Variants in KAZN observed in about 807,000 individuals in gnomAD.
KAZN encodes kazrin.
A neutral mutation model predicts 87.4 loss-of-function variants in KAZN; 40 were observed. That is an observed-to-expected ratio of 0.46 (90% CI 0.36 to 0.60). The LOEUF is 0.60. Ranked by LOEUF, KAZN falls within the 20% of genes least tolerant of loss-of-function variation. The pLI is 0.00. For missense variants in KAZN, 898 were observed against 1,073.9 expected, an observed-to-expected ratio of 0.84 and a Z score of 2.29; for synonymous variants, 466 against 458.3, an observed-to-expected ratio of 1.02 and a Z score of -0.22.
At chr1:14,047,590 C>T (rs554590385) in intron 1 of KAZN, among the ~76,000 whole-genome samples, 25 of 152,242 alleles carry the variant, frequency 1.6e-4, no homozygotes, top group East Asian at 9.7e-4. Flanking sequence ...AAGTTTAGTC[C>T]GGGCATGGCG....
chr1:14,024,642 T>C (rs1467382045), intron 1 of KAZN, among the ~76,000 whole-genome samples: 1 of 152,198 alleles, frequency 6.6e-6, no homozygotes, highest in African/African-American at 2.4e-5. Flanking sequence ...TGGAGGGCTA[T>C]TCTGGAGCAG....
intron 1 of KAZN, among the ~76,000 whole-genome samples, chr1:14,665,933 A>AAAG (rs138040722): frequency 6.1e-5 from 1 of 16,280 alleles, no homozygotes; most frequent in Non-Finnish European, 1.1e-4. Context: ...AGCTTTGCTC[A>AAAG]AAAAAAAAAA....
At position 14,020,724 on chromosome 1, in the gene KAZN, A is replaced by G. The variant is rs569989070; in HGVS notation, c.91+126968A>G. On this transcript the variant is annotated intron_variant, in intron 1 of 16. Transcript: ENST00000636203. Reference sequence around the variant, plus strand: ...TAGTTTTAACTAATTGAGTCAGCAGAACAATTTGAAATCTGAGTTCCAGCA... The same window carrying G: ...TAGTTTTAACTAATTGAGTCAGCAGGACAATTTGAAATCTGAGTTCCAGCA... Among the ~76,000 whole-genome samples, 153 of 152,358 alleles carry G rather than the reference A, an allele frequency of 1.0e-3. 1 individual carries two copies. The highest frequency in any genetic ancestry group is 3.6e-3 in the African/African-American group (150 of 41,582).
At chr1:14,238,018 AT>A (rs933667901) in intron 2 of KAZN, among the ~76,000 whole-genome samples, 1 of 152,116 alleles carries the variant, frequency 6.6e-6, no homozygotes, top group African/African-American at 2.4e-5. Context: ...GTAGCCTCCA[AT>A]TTTTTTCAAT....
At chr1:13,964,975 G>C (rs1428670952) in intron 1 of KAZN, among the ~76,000 whole-genome samples, 1 of 151,402 alleles carries the variant, frequency 6.6e-6, no homozygotes, top group East Asian at 1.9e-4. Context: ...GAGGGTGCCA[G>C]GTGGAGGGCA....
At chr1:15,110,071 GTGTGTA>G (rs1445001530) in intron 13 of KAZN, among the ~76,000 whole-genome samples, 10 of 149,996 alleles carry the variant, frequency 6.7e-5, no homozygotes, top group South Asian at 2.1e-4. Flanking sequence ...GTGTGCCTGT[GTGTGTA>G]TGTGTGTATA....
intron 1 of KAZN, among the ~76,000 whole-genome samples, chr1:14,801,480 G>A (rs1646019536): frequency 6.6e-6 from 1 of 152,000 alleles, no homozygotes; most frequent in Non-Finnish European, 1.5e-5. Context: ...TCCTAGGACT[G>A]AGAGGGTGAT....
chr1:14,147,023 T>A (rs1476566210), intron 1 of KAZN, among the ~76,000 whole-genome samples: 1 of 152,196 alleles, frequency 6.6e-6, no homozygotes, highest in African/African-American at 2.4e-5. Context: ...ACCTTTATGA[T>A]GACCCATTTC....
chr1:14,329,025 C>A (rs1197474137), intron 2 of KAZN, among the ~76,000 whole-genome samples: 5 of 152,142 alleles, frequency 3.3e-5, no homozygotes, highest in Admixed American at 3.3e-4. Context: ...TAACCAAAGA[C>A]AAATTTTAAT....
At chr1:14,615,783 C>T (rs1678191312) in intron 1 of KAZN, among the ~76,000 whole-genome samples, 1 of 152,224 alleles carries the variant, frequency 6.6e-6, no homozygotes, top group Non-Finnish European at 1.5e-5. Context: ...GGAACTGAGA[C>T]ACTGGTTCAG....
chr1:14,351,560 A>G lies in KAZN; in HGVS notation c.249+170968A>G, dbSNP rs182918653. Among the ~76,000 whole-genome samples, 1,202 of 152,294 alleles carry G rather than the reference A, an allele frequency of 7.9e-3. 11 individuals are homozygous for G. Among genetic ancestry groups the G allele is most frequent in the Non-Finnish European group, 0.011 (777 of 68,018 alleles). ...GCGACAGAGCTAGACTCCAGTCTCA[A>G]AAACAAACAAACAAACAAACAAAAC... is the stretch of plus-strand genomic sequence containing the variant. On this transcript the variant is annotated intron_variant, in intron 2 of 16. Transcript: ENST00000636203.
chr1:15,110,499 G>A (rs61784327), intron 13 of KAZN, among the ~76,000 whole-genome samples: 128,744 of 149,346 alleles, frequency 0.86, 55,438 homozygotes, highest in East Asian at 0.98. Context: ...GTATGTATGT[G>A]TGTGTATTTG....
At chr1:14,002,231 C>A (rs1161157690) in intron 1 of KAZN, among the ~76,000 whole-genome samples, 1 of 152,134 alleles carries the variant, frequency 6.6e-6, no homozygotes, top group South Asian at 2.1e-4. Context: ...ATTTATGTGG[C>A]CAACAAACAT....
chr1:14,240,987 C>T (rs1648886680), intron 2 of KAZN, among the ~76,000 whole-genome samples: 1 of 152,220 alleles, frequency 6.6e-6, no homozygotes, highest in Admixed American at 6.5e-5. Context: ...TTCTTCAAGT[C>T]TTCATTGTCT....
At chr1:14,744,115 A>C (rs1644194817) in intron 1 of KAZN, among the ~76,000 whole-genome samples, 1 of 152,222 alleles carries the variant, frequency 6.6e-6, no homozygotes, top group Non-Finnish European at 1.5e-5. Context: ...TATCATGGCC[A>C]TCACCAGTGC....
chr1:14,192,212 A>C (rs1019808588), intron 2 of KAZN, among the ~76,000 whole-genome samples: 2 of 152,108 alleles, frequency 1.3e-5, no homozygotes, highest in African/African-American at 4.8e-5. Flanking sequence ...GAAAATCCCC[A>C]TTTCACTTCA....
chr1:13,916,058 T>C (rs1425158572), intron 1 of KAZN, among the ~76,000 whole-genome samples: 4 of 152,086 alleles, frequency 2.6e-5, no homozygotes, highest in Non-Finnish European at 5.9e-5. Flanking sequence ...AGTAAGGTCT[T>C]TGAGCTTTCA....
rs1678703044 is a variant in KAZN, at chr1:14,621,625, A to C, written c.226+22402A>C. ...CCAAATCTCACCTTGAATTGTAATAATCCCCATGTGTCAAGGGTGGGGCCA... is the reference window on the plus strand; with the variant it reads ...CCAAATCTCACCTTGAATTGTAATACTCCCCATGTGTCAAGGGTGGGGCCA... On this transcript the variant is annotated intron_variant, in intron 1 of 14. Coordinates refer to ENST00000376030, the MANE Select transcript of KAZN (RefSeq NM_201628.3). Among the ~76,000 whole-genome samples, 10 of 152,170 alleles carry C rather than the reference A, an allele frequency of 6.6e-5. No individual in the cohort carries two copies. The South Asian group carries it at 2.1e-3, about 32-fold the overall frequency.
chr1:14,593,419 T>G (rs1205275153), intron 2 of KAZN, among the ~76,000 whole-genome samples: 2 of 152,080 alleles, frequency 1.3e-5, no homozygotes, highest in African/African-American at 4.8e-5. Flanking sequence ...ATTGGGTACA[T>G]GCGGGGGAGG....
Sources: allele counts gnomAD v4.1 joint callset (sites outside exome capture counted in the v4.1 genomes callset), GRCh38; gene constraint gnomAD v4.1.1; transcripts MANE v1.5; gene names NCBI Gene and HGNC (gene_info 2026-07-23, HGNC 2026-07-21).